The following PRKN variants were observed in gnomAD, a reference collection of about 807,000 sequenced individuals.
The protein encoded by PRKN is parkin RBR E3 ubiquitin protein ligase.
In PRKN, 56 loss-of-function variants were observed where a neutral mutation model predicts 59.5. The ratio of observed to expected loss-of-function variants is 0.94; its 90% CI spans 0.76 to 1.18. The LOEUF is 1.18. Among genes scored for constraint, PRKN ranks in the 50% most tolerant of loss-of-function variants. The probability of loss-of-function intolerance (pLI) is 0.00; values close to 1 mark genes in which losing one functional copy is unlikely to be tolerated. For missense variants in PRKN, 657 were observed against 596.4 expected, an observed-to-expected ratio of 1.10 and a Z score of -1.06; for synonymous variants, 250 against 222.1, an observed-to-expected ratio of 1.13 and a Z score of -1.12.
intron 1 of PRKN, among the ~76,000 whole-genome samples, chr6:162,470,009 G>GTTT (rs1791651181): frequency 6.6e-6 from 1 of 152,158 alleles, no homozygotes; most frequent in African/African-American, 2.4e-5. Flanking sequence ...TAGGGCACAG[G>GTTT]ACTAGGAAAC....
chr6:162,662,523 C>A (rs565447073), intron 1 of PRKN, among the ~76,000 whole-genome samples: 2 of 152,136 alleles, frequency 1.3e-5, no homozygotes, highest in African/African-American at 4.8e-5. Flanking sequence ...GAGTTTTTCC[C>A]AGTTTTTCTT....
chr6:161,616,592 T>C (rs1782705071), intron 7 of PRKN, among the ~76,000 whole-genome samples: 1 of 151,972 alleles, frequency 6.6e-6, no homozygotes, highest in Non-Finnish European at 1.5e-5. Flanking sequence ...CCCCAGTGTG[T>C]GATGTTCCCC....
intron 7 of PRKN, among the ~76,000 whole-genome samples, chr6:161,719,793 TTTTG>T: frequency 6.6e-6 from 1 of 152,192 alleles, no homozygotes; most frequent in South Asian, 2.1e-4. Flanking sequence ...TGTATGGCTA[TTTTG>T]TTTTTTAAAT....
chr6:161,460,345 C>T lies in PRKN; in HGVS notation c.1084-73468G>A, dbSNP rs191742359. Among the ~76,000 whole-genome samples, 43 of 152,148 alleles carry T rather than the reference C, an allele frequency of 2.8e-4. No individual in the cohort carries two copies. Among genetic ancestry groups the T allele is most frequent in the Admixed American group, 2.7e-3 (41 of 15,284 alleles). Reference sequence around the variant, plus strand: ...TTAGATATTGCTTGGGAATAATGGGCAAAGGAGGTGCCATACTCCCTCTGG... The same window carrying T: ...TTAGATATTGCTTGGGAATAATGGGTAAAGGAGGTGCCATACTCCCTCTGG... On this transcript the variant is annotated intron_variant, in intron 9 of 11. Transcript: ENST00000366898. The surrounding 1 kb of genome is among the most constrained non-coding windows in gnomAD (Gnocchi z 5.0).
intron 2 of PRKN, among the ~76,000 whole-genome samples, chr6:162,359,079 A>AAAATATATATAT (rs57265104): frequency 6.0e-5 from 5 of 83,246 alleles, no homozygotes; most frequent in African/African-American, 3.7e-4. Context: ...AAAAAAAAAA[A>AAAATATATATAT]ATATATATAT....
chr6:162,643,909 T>C (rs1778065079), intron 1 of PRKN: 1 of 152,152 alleles, frequency 6.6e-6, no homozygotes, highest in East Asian at 1.9e-4. Context: ...ATTTTTCAAA[T>C]TGTAGTCAGC....
rs71004079 is a variant in PRKN, at chr6:162,096,848, ATTTTTTTTTTTTT to A, written c.535-42687_535-42675del. The stretch of plus-strand genomic sequence containing the variant: ...GTGAGAATGGACTCATACAGCTGGA[ATTTTTTTTTTTTT>A]TTTTTTTTTTTTTTTTTTGAGATGG... On this transcript the variant is annotated intron_variant, in intron 4 of 11. Coordinates refer to ENST00000366898, the MANE Select transcript of PRKN (RefSeq NM_004562.3). 2.0e-4 allele frequency among the ~76,000 whole-genome samples: 10 copies of A among 49,184 alleles called. No individual in the cohort carries two copies. The Admixed American group carries it at 2.4e-3, about 12-fold the overall frequency. 32.3% of individuals were successfully genotyped at this position (49,184 alleles called of 152,430 possible). A position where few individuals can be genotyped will look rare whatever the true frequency, so the allele number is the denominator to read the frequency against.
At chr6:162,249,061 G>A (rs1779318692) in intron 3 of PRKN, among the ~76,000 whole-genome samples, 2 of 151,978 alleles carry the variant, frequency 1.3e-5, no homozygotes, top group African/African-American at 4.8e-5. Context: ...TGTATTTTTA[G>A]TAGAGACGAG....
chr6:162,238,080 A>G (rs1162470113), intron 3 of PRKN, among the ~76,000 whole-genome samples: 1 of 152,206 alleles, frequency 6.6e-6, no homozygotes, highest in Non-Finnish European at 1.5e-5. Flanking sequence ...AATTGTACCA[A>G]CTGTCATACT....
chr6:161,663,923 G>A (rs544453190), intron 7 of PRKN, among the ~76,000 whole-genome samples: 54 of 152,274 alleles, frequency 3.5e-4, no homozygotes, highest in African/African-American at 1.3e-3. Context: ...CTTTGGCTCC[G>A]CCCCTAGCTG....
chr6:161,376,437 C>G lies in PRKN; in HGVS notation c.1167+10357G>C, dbSNP rs1429756429. 2.0e-5 allele frequency among the ~76,000 whole-genome samples: 3 copies of G among 152,252 alleles called. No individual in the cohort carries two copies. The highest frequency in any genetic ancestry group is 7.2e-5 in the African/African-American group (3 of 41,460). On this transcript the variant is annotated intron_variant, in intron 10 of 11. Coordinates refer to ENST00000366898, the MANE Select transcript of PRKN (RefSeq NM_004562.3). This position sits in a 1 kb window ranked among gnomAD's most constrained non-coding sequence, Gnocchi z 7.3. Reference sequence around the variant, plus strand: ...GGCACCACCATCGTTCTAAGCTAGACATTCATGCATCAACATTAACCCGTC... The same window carrying G: ...GGCACCACCATCGTTCTAAGCTAGAGATTCATGCATCAACATTAACCCGTC...
At chr6:161,659,932 C>T (rs1357827837) in intron 7 of PRKN, among the ~76,000 whole-genome samples, 1 of 152,110 alleles carries the variant, frequency 6.6e-6, no homozygotes, top group African/African-American at 2.4e-5. Context: ...CGAGTTCATA[C>T]AGTCAGAGTT....
chr6:161,348,017 AG>A lies in PRKN; in HGVS notation c.*2081del, dbSNP rs563061113. ...ATGCTGGACAGCCTAATAGTCTAAC[AG>A]GGGATCCTAGGGTGCCTGAGCTCAT... On this transcript the variant is annotated 3_prime_UTR_variant, in exon 12 of 12. Coordinates refer to ENST00000366898, the MANE Select transcript of PRKN (RefSeq NM_004562.3). This position sits in a 1 kb window ranked among gnomAD's most constrained non-coding sequence, Gnocchi z 4.9. 6 of 180,836 alleles carry A rather than the reference AG, an allele frequency of 3.3e-5. No homozygotes were observed. Among genetic ancestry groups the A allele is most frequent in the Non-Finnish European group, 7.1e-5 (6 of 84,760 alleles). 11.2% of individuals were successfully genotyped at this position (180,836 alleles called of 1,614,324 possible). A position where few individuals can be genotyped will look rare whatever the true frequency, so the allele number is the denominator to read the frequency against.
rs572615198 is a variant in PRKN, at chr6:161,974,243, A to G, written c.619-826T>C. ...TGCAATGAGCTGAGATCACCCCACT[A>G]AATTCCAGCCGAGAGTTTAGCAGAG... is the stretch of plus-strand genomic sequence containing the variant. On this transcript the variant is annotated intron_variant, in intron 5 of 11. Coordinates refer to ENST00000366898, the MANE Select transcript of PRKN (RefSeq NM_004562.3). Among the ~76,000 whole-genome samples the G allele has an allele frequency of 6.6e-5, 10 of 152,232 alleles. No homozygotes were observed. The East Asian group carries it at 1.9e-3, about 30-fold the overall frequency.
chr6:161,624,569 CA>C (rs901109387), intron 7 of PRKN, among the ~76,000 whole-genome samples: 1 of 152,194 alleles, frequency 6.6e-6, no homozygotes, highest in Non-Finnish European at 1.5e-5. Flanking sequence ...ACCTTATAAG[CA>C]AAATTAGAAT....
intron 5 of PRKN, among the ~76,000 whole-genome samples, chr6:162,034,249 G>T (rs760448954): frequency 6.7e-6 from 1 of 148,422 alleles, no homozygotes; most frequent in Non-Finnish European, 1.5e-5. Flanking sequence ...TACTATATTA[G>T]TTACTTTATA....
intron 1 of PRKN, among the ~76,000 whole-genome samples, chr6:162,538,106 C>T (rs1012915970): frequency 2.6e-5 from 4 of 152,150 alleles, no homozygotes; most frequent in African/African-American, 7.2e-5. Context: ...GTTGGAAATA[C>T]CCAAATACCT....
At chr6:162,065,179 C>T (rs1778277108) in intron 4 of PRKN, among the ~76,000 whole-genome samples, 1 of 152,152 alleles carries the variant, frequency 6.6e-6, no homozygotes, top group Non-Finnish European at 1.5e-5. Flanking sequence ...AGTAGTGGCA[C>T]AGTCCGAGTC....
intron 6 of PRKN, among the ~76,000 whole-genome samples, chr6:161,788,844 T>C (rs944619188): frequency 5.3e-5 from 8 of 152,222 alleles, no homozygotes; most frequent in African/African-American, 1.9e-4. Flanking sequence ...GGAATTCTGA[T>C]TGTCTATTAC....
Sources: allele counts gnomAD v4.1 joint callset (sites outside exome capture counted in the v4.1 genomes callset), GRCh38; gene constraint gnomAD v4.1.1; non-coding constraint Gnocchi (gnomAD v3.1); transcripts MANE v1.5; gene names NCBI Gene and HGNC (gene_info 2026-07-23, HGNC 2026-07-21).